Variants in ATR observed in about 807,000 individuals in gnomAD.
ATR encodes ATR checkpoint kinase.
A neutral mutation model predicts 305.3 loss-of-function variants in ATR; 142 were observed. The ratio of observed to expected loss-of-function variants is 0.47; its 90% CI spans 0.41 to 0.53. The LOEUF (loss-of-function observed/expected upper bound fraction) is 0.53, where lower values mean the gene tolerates loss of function less well. Among genes scored for constraint, ATR ranks in the 20% least tolerant of loss-of-function variants. The probability of loss-of-function intolerance (pLI) is 0.00; values close to 1 mark genes in which losing one functional copy is unlikely to be tolerated. For missense variants in ATR, 2,135 were observed against 3,133.1 expected, an observed-to-expected ratio of 0.68 and a Z score of 7.60; for synonymous variants, 1,050 against 1,068.1, an observed-to-expected ratio of 0.98 and a Z score of 0.33.
At chr3:142,487,042 G>C (rs936973541) in intron 35 of ATR, among the ~76,000 whole-genome samples, 4 of 151,684 alleles carry the variant, frequency 2.6e-5, no homozygotes, top group African/African-American at 9.7e-5. Flanking sequence ...GGAGGCAGGA[G>C]ACTGGCCTGA....
In ATR at chr3:142,578,710, G is replaced by C. The variant is rs769841006; in HGVS notation, c.-6C>G. 6.2e-7 allele frequency: 1 copy of C among 1,612,804 alleles called. No homozygotes were observed. Among genetic ancestry groups the C allele is most frequent in the African/African-American group, 1.3e-5 (1 of 74,810 alleles). The stretch of plus-strand genomic sequence containing the variant: ...TCCAGGCCATGTTCCCCCATGCTGA[G>C]GCTGCGAGGCACTAGTCAACCACGC... On this transcript the variant is annotated 5_prime_UTR_variant, in exon 1 of 47. Coordinates refer to ENST00000350721, the MANE Select transcript of ATR (RefSeq NM_001184.4).
Position 142,562,681 on chromosome 3 carries a change from T to C in ATR, c.721A>G (p.Ser241Gly), listed in dbSNP as rs200418139. ...QIGCVLLEYG[S>G]PKIKSLAISF... Reference sequence around the variant, plus strand: ...ATTGCTAGGGATTTAATTTTTGGACTACCATACTCTAGCAGAACACAACCT... The same window carrying C: ...ATTGCTAGGGATTTAATTTTTGGACCACCATACTCTAGCAGAACACAACCT... The change falls in exon 4 of 47, where the codon AGT (serine) becomes GGT (glycine). Residue 241 changes from serine to glycine, a missense_variant. Transcript: ENST00000350721. 1.8e-5 allele frequency: 29 copies of C among 1,613,990 alleles called. No individual in the cohort carries two copies. The highest frequency in any genetic ancestry group is 2.4e-5 in the Non-Finnish European group (28 of 1,179,996).
intron 25 of ATR, 126 bp from the exon 26 acceptor site, chr3:142,513,764 A>AT: frequency 9.4e-7 from 1 of 1,058,450 alleles, no homozygotes; most frequent in East Asian, 2.8e-5. Context: ...TTTTTAATTA[A>AT]TTTTTTAATT....
intron 34 of ATR, among the ~76,000 whole-genome samples, chr3:142,494,159 T>C (rs897291053): frequency 2.6e-5 from 4 of 152,190 alleles, no homozygotes; most frequent in African/African-American, 9.6e-5. Context: ...TATTAGGTAT[T>C]ATAAGTAGCC....
Position 142,497,319 on chromosome 3 carries a change from A to C in ATR, c.5559-127T>G. 4.4e-6 allele frequency: 4 copies of C among 908,476 alleles called. No homozygotes were observed. The South Asian group carries it at 4.9e-5, about 11-fold the overall frequency. The allele number at this position is 908,476 out of a possible 1,614,324, so 56.3% of individuals were successfully genotyped here. A position where few individuals can be genotyped will look rare whatever the true frequency, so the allele number is the denominator to read the frequency against. On this transcript the variant is annotated intron_variant, in intron 32 of 46. Coordinates refer to ENST00000350721, the MANE Select transcript of ATR (RefSeq NM_001184.4). ...ACACAGTTGTCTTTGGTAGAACTTT[A>C]ATATATCCTTGCTAAGTAAATAATT...
At chr3:142,564,755 C>CT (rs897741478) in intron 3 of ATR, among the ~76,000 whole-genome samples, 81 of 147,318 alleles carry the variant, frequency 5.5e-4, no homozygotes, top group East Asian at 2.4e-3. Flanking sequence ...ATAATATTTT[C>CT]TTTTTTTTTT....
At position 142,558,698 on chromosome 3, in the gene ATR, T is replaced by G. The variant is rs779378879; in HGVS notation, c.1811A>C (p.Asp604Ala). The G allele has an allele frequency of 6.2e-7, 1 of 1,612,984 alleles. No homozygotes were observed. ...LSLPWIYSHS[D>A]DGCLKLTTFA... ...TGTGGTCAACTTTAAACAGCCATCA[T>G]CAGAATGGGAATAAATCCATGGAAG... Residue 604 changes from aspartate (D) to alanine (A), a missense_variant, in exon 8 of 47, where the codon GAT (aspartate) becomes GCT (alanine). Asp to Ala is a moderately radical substitution (Grantham distance 126). This residue lies in a region of ATR where 744 missense variants were observed against 873.2 expected (regional missense o/e 0.85). Transcript: ENST00000350721.
intron 29 of ATR, among the ~76,000 whole-genome samples, chr3:142,504,555 C>T (rs574070112): frequency 2.6e-5 from 4 of 151,828 alleles, no homozygotes; most frequent in African/African-American, 4.8e-5. Flanking sequence ...CTCCACCTCC[C>T]GGGTTCAAGC....
intron 36 of ATR, among the ~76,000 whole-genome samples, chr3:142,477,615 T>A (rs1290505169): frequency 2.0e-5 from 3 of 152,206 alleles, no homozygotes; most frequent in Non-Finnish European, 4.4e-5. Context: ...ATAAAATGAG[T>A]TAGGGAGGAC....
rs149129526 is a variant in ATR at position 142,562,488 on chromosome 3, A to G, written c.914T>C (p.Phe305Ser). 2.0e-5 allele frequency: 33 copies of G among 1,614,162 alleles called. No homozygotes were observed. In the African/African-American group the frequency reaches 4.3e-4, roughly 21 times the overall value. Residue 305 changes from phenylalanine (F) to serine (S), a missense_variant, in exon 4 of 47, where the codon TTT (phenylalanine) becomes TCT (serine). Phe to Ser is a radical substitution (Grantham distance 155, BLOSUM62 -2). Around this residue, in one of 9 missense-constraint regions of ATR, gnomAD observed 744 missense variants for 873.2 expected, o/e 0.85. Transcript: ENST00000350721. Reference protein sequence around the residue: ...LSKLIKTLFPFEAEAYRNIEP... With the variant: ...LSKLIKTLFPSEAEAYRNIEP... ...AATATTTCTATAAGCTTCTGCTTCA[A>G]AGGGAAATAGTGTCTTTATCAGCTT...
chr3:142,450,387 C>T, intron 46 of ATR: 7 of 1,541,482 alleles, frequency 4.5e-6, no homozygotes, highest in Non-Finnish European at 6.2e-6. Context: ...AGACCTTTAT[C>T]AAAATGGGGC....
At chr3:142,458,477 T>C (rs550843848) in intron 44 of ATR, among the ~76,000 whole-genome samples, 3 of 152,240 alleles carry the variant, frequency 2.0e-5, no homozygotes, top group Admixed American at 1.3e-4. Context: ...TATTGGAAAA[T>C]TGTAGGGGGC....
At chr3:142,508,242 GTAAC>G (rs1441971464) in intron 27 of ATR, 133 bp from the exon 28 acceptor site, 1 of 741,478 alleles carries the variant, frequency 1.3e-6, no homozygotes, top group Non-Finnish European at 2.1e-6. Flanking sequence ...TATTTAGAAT[GTAAC>G]TAACAACAGA....
intron 3 of ATR, 142 bp downstream of exon 3, chr3:142,565,979 A>T: frequency 3.0e-6 from 3 of 1,008,674 alleles, no homozygotes; most frequent in African/African-American, 1.6e-5. Flanking sequence ...AGGAAAAATA[A>T]CCATTACCAT....
chr3:142,479,986 G>A (rs555101156), intron 36 of ATR, among the ~76,000 whole-genome samples: 18 of 152,186 alleles, frequency 1.2e-4, no homozygotes, highest in East Asian at 3.9e-4. Flanking sequence ...TCAGCCATTC[G>A]TCTAATCTTT....
At chr3:142,480,519 G>C (rs2030355608) in intron 36 of ATR, among the ~76,000 whole-genome samples, 1 of 152,210 alleles carries the variant, frequency 6.6e-6, no homozygotes, top group Non-Finnish European at 1.5e-5. Context: ...CTCCCAGTTA[G>C]GCTACTCAGG....
At chr3:142,496,613 T>G (rs181009679) in intron 33 of ATR, 93 bp from the exon 34 acceptor site, 4 of 1,354,410 alleles carry the variant, frequency 3.0e-6, no homozygotes, top group Non-Finnish European at 4.2e-6. Context: ...GTCATAAACT[T>G]TGCAAGTAGT....
At chr3:142,514,074 C>A (rs368721082) in intron 25 of ATR, among the ~76,000 whole-genome samples, 2 of 151,280 alleles carry the variant, frequency 1.3e-5, no homozygotes, top group Middle Eastern at 6.8e-3. Flanking sequence ...TCGAGACCAT[C>A]CTGGCCAACA....
chr3:142,453,293 C>T, intron 45 of ATR, 60 bp from the exon 46 acceptor site: 1 of 1,552,188 alleles, frequency 6.4e-7, no homozygotes, highest in South Asian at 1.1e-5. Context: ...ATCTTGCTGA[C>T]ATCAATATTT....
Sources: gnomAD v4.1 joint callset for allele counts (sites outside exome capture counted in the v4.1 genomes callset) on GRCh38, gnomAD v4.1.1 for gene constraint, gnomAD v4.1.1 regional missense constraint, MANE v1.5 for transcripts, NCBI Gene and HGNC (gene_info 2026-07-23, HGNC 2026-07-21) for gene names.